Variants in SMC6 observed in about 807,000 individuals in gnomAD.
SMC6 encodes the protein structural maintenance of chromosomes protein 6.
Under a neutral mutation model 142.2 loss-of-function variants are expected in SMC6, and 79 were observed. The observed-to-expected ratio is 0.56, with a 90% CI of 0.46 to 0.67. SMC6 has a LOEUF of 0.67. SMC6 is among the 30% of genes least tolerant of loss of function. The probability of loss-of-function intolerance (pLI) is 0.00; values close to 1 mark genes in which losing one functional copy is unlikely to be tolerated. For synonymous variants in SMC6, 411 were observed against 412.4 expected, an observed-to-expected ratio of 1.00 and a Z score of 0.04; for missense variants, 1,072 against 1,284.0, an observed-to-expected ratio of 0.83 and a Z score of 2.52.
chr2:17,668,182 T>C (rs1162400229), intron 26 of SMC6, among the ~76,000 whole-genome samples: 2 of 152,244 alleles, frequency 1.3e-5, no homozygotes, highest in African/African-American at 4.8e-5. Context: ...GAATTAAATC[T>C]GACATACAAG....
At chr2:17,748,584 T>A (rs1218411166) in intron 2 of SMC6, among the ~76,000 whole-genome samples, 2 of 152,232 alleles carry the variant, frequency 1.3e-5, no homozygotes, top group African/African-American at 4.8e-5. Context: ...TTAATAAGAA[T>A]CAACATAGAT....
At chr2:17,667,198 G>A (rs1666539742) in intron 26 of SMC6, among the ~76,000 whole-genome samples, 1 of 152,154 alleles carries the variant, frequency 6.6e-6, no homozygotes, top group Admixed American at 6.5e-5. Flanking sequence ...GGTAACAAAA[G>A]TGGCTAGTCT....
chr2:17,727,187 G>A (rs774183675), intron 7 of SMC6, among the ~76,000 whole-genome samples: 7 of 152,156 alleles, frequency 4.6e-5, no homozygotes, highest in East Asian at 3.8e-4. Flanking sequence ...GTGTGTTCCC[G>A]AGGGTATTGC....
chr2:17,738,288 G>C lies in SMC6; in HGVS notation c.277C>G (p.Leu93Val). Residue 93 changes from leucine to valine, a missense_variant, in exon 5 of 28, where the codon CTT becomes GTT. Around this residue, in one of 3 missense-constraint regions of SMC6, gnomAD observed 994 missense variants for 1,153.2 expected, o/e 0.86. Coordinates refer to ENST00000448223, the MANE Select transcript of SMC6 (RefSeq NM_001142286.2). The stretch of plus-strand genomic sequence containing the variant: ...TTAGTAGCAACTGCTCTTCCACCAA[G>C]ACCGACTATGAGAGCTGTGAGTACT... Reference protein sequence around the residue: ...SAVLTALIVGLGGRAVATNRG... With the variant: ...SAVLTALIVGVGGRAVATNRG... 6.2e-7 allele frequency: 1 copy of C among 1,613,562 alleles called. No individual in the cohort carries two copies. The highest frequency in any genetic ancestry group is 8.5e-7 in the Non-Finnish European group (1 of 1,179,902).
At chr2:17,679,080 T>C (rs990858175) in intron 24 of SMC6, 116 bp from the exon 25 acceptor site, 50 of 636,084 alleles carry the variant, frequency 7.9e-5, no homozygotes, top group African/African-American at 7.8e-4. Flanking sequence ...AATGTAAACA[T>C]TGGTTACTCA....
At chr2:17,698,943 T>C (rs1424205098) in intron 21 of SMC6, among the ~76,000 whole-genome samples, 3 of 152,120 alleles carry the variant, frequency 2.0e-5, no homozygotes, top group Non-Finnish European at 2.9e-5. Context: ...GATAGAAATC[T>C]TACCTCCCTT....
Position 17,741,509 on chromosome 2 carries a change from A to C in SMC6, c.238+103T>G, listed in dbSNP as rs112323574. 7.4e-5 allele frequency: 50 copies of C among 672,196 alleles called. 1 individual carries two copies. Among genetic ancestry groups the C allele is most frequent in the African/African-American group, 6.4e-4 (35 of 55,086 alleles). 41.6% of individuals were successfully genotyped at this position (672,196 alleles called of 1,614,324 possible). On this transcript the variant is annotated intron_variant, in intron 4 of 27. Transcript: ENST00000448223. The stretch of plus-strand genomic sequence containing the variant: ...ATAACCACAAGTTATACATCTATAG[A>C]AAAAATACTTATTAGCACTAATAGT...
At position 17,724,286 on chromosome 2, in the gene SMC6, G is replaced by A. The variant is rs375642188; in HGVS notation, c.726+971C>T. Among the ~76,000 whole-genome samples the A allele has an allele frequency of 2.3e-4, 35 of 152,160 alleles. No individual in the cohort carries two copies. The East Asian group carries it at 6.8e-3, about 29-fold the overall frequency. The stretch of plus-strand genomic sequence containing the variant: ...ACCCAGGTTTGAAAGGATAATGTGG[G>A]AAATAAAAATAAATATACTCATCCT... On this transcript the variant is annotated intron_variant, in intron 9 of 27. Coordinates refer to ENST00000448223, the MANE Select transcript of SMC6 (RefSeq NM_001142286.2).
chr2:17,703,227 G>T lies in SMC6; in HGVS notation c.2072C>A (p.Ala691Asp). Residue 691 changes from alanine to aspartate, a missense_variant, in exon 19 of 28, where the codon GCC becomes GAC. By Grantham distance (126) the Ala-to-Asp change is moderately radical. Transcript: ENST00000448223. ...QILNLQQHLSALEKDIKHNEE... is the reference protein window; with the variant it reads ...QILNLQQHLSDLEKDIKHNEE... ...ATTGTGTTTAATATCTTTTTCAAGG[G>T]CAGATAAATGTTGCTGAAGATTTAA... The T allele has an allele frequency of 6.2e-7, 1 of 1,600,026 alleles. No individual in the cohort carries two copies. The highest frequency in any genetic ancestry group is 8.5e-7 in the Non-Finnish European group (1 of 1,170,054).
chr2:17,724,106 TTAATTA>T (rs1462301656), intron 9 of SMC6, among the ~76,000 whole-genome samples: 9 of 152,116 alleles, frequency 5.9e-5, no homozygotes, highest in Admixed American at 1.3e-4. Flanking sequence ...CAAGTCCTGA[TTAATTA>T]TATTAAAAAT....
chr2:17,753,595 G>A (rs1558389575), intron 1 of SMC6, 31 bp downstream of exon 1: 1 of 152,322 alleles, frequency 6.6e-6, no homozygotes, highest in Non-Finnish European at 1.5e-5. Flanking sequence ...CCCGGAGCAA[G>A]GGAAAGCGAC....
At chr2:17,701,643 A>G (rs1424259271) in intron 20 of SMC6, among the ~76,000 whole-genome samples, 186 bp downstream of exon 20, 1 of 152,144 alleles carries the variant, frequency 6.6e-6, no homozygotes, top group Non-Finnish European at 1.5e-5. Flanking sequence ...TTATATATAC[A>G]CAAAACATTA....
chr2:17,664,396 C>T lies in SMC6; in HGVS notation c.*1103G>A, dbSNP rs1359905987. Reference sequence around the variant, plus strand: ...TTTCCTCAATAACTAGAGAACAGTCCCTGCTCTTAATATACTGCCCTTTTT... The same window carrying T: ...TTTCCTCAATAACTAGAGAACAGTCTCTGCTCTTAATATACTGCCCTTTTT... On this transcript the variant is annotated 3_prime_UTR_variant, in exon 28 of 28. Coordinates refer to ENST00000448223, the MANE Select transcript of SMC6 (RefSeq NM_001142286.2). The T allele has an allele frequency of 6.6e-6, 1 of 152,116 alleles. No homozygotes were observed. Among genetic ancestry groups the T allele is most frequent in the African/African-American group, 2.4e-5 (1 of 41,414 alleles). 9.4% of individuals were successfully genotyped at this position (152,116 alleles called of 1,614,324 possible). A position where few individuals can be genotyped will look rare whatever the true frequency, so the allele number is the denominator to read the frequency against.
At position 17,745,814 on chromosome 2, in the gene SMC6, A is replaced by G. The variant is rs1310787116; in HGVS notation, c.120+13T>C. 2 of 1,590,984 alleles carry G rather than the reference A, an allele frequency of 1.3e-6. No individual in the cohort carries two copies. Among genetic ancestry groups the G allele is most frequent in the Admixed American group, 3.6e-5 (2 of 54,886 alleles). ...ACATATCAAAAAGCATAATTTTGTA[A>G]TTTTTCGCTTACCAAAGTAGTACCT... is the stretch of plus-strand genomic sequence containing the variant. On this transcript the variant is annotated intron_variant, in intron 3 of 27. Transcript: ENST00000448223.
At chr2:17,671,733 T>A (rs1341013794) in intron 25 of SMC6, among the ~76,000 whole-genome samples, 11 of 151,572 alleles carry the variant, frequency 7.3e-5, no homozygotes, top group African/African-American at 2.7e-4. Flanking sequence ...CTTTAAAAAA[T>A]TATTTACTAA....
intron 15 of SMC6, 130 bp downstream of exon 15, chr2:17,715,956 G>A (rs1201288994): frequency 6.5e-6 from 5 of 774,566 alleles, no homozygotes. Flanking sequence ...TAAAACGAAA[G>A]CTACAAAGCT....
intron 8 of SMC6, among the ~76,000 whole-genome samples, chr2:17,725,647 C>A (rs1329528250): frequency 3.3e-5 from 5 of 152,256 alleles, no homozygotes; most frequent in Admixed American, 3.3e-4. Context: ...TAATTCCATT[C>A]TTTAAGCAAA....
chr2:17,739,044 T>G (rs1293710009), intron 4 of SMC6, among the ~76,000 whole-genome samples: 1 of 152,200 alleles, frequency 6.6e-6, no homozygotes. Context: ...TAGCACATAA[T>G]AAGTACTTGC....
chr2:17,720,023 C>T (rs1669291700), intron 11 of SMC6, among the ~76,000 whole-genome samples: 1 of 152,084 alleles, frequency 6.6e-6, no homozygotes. Context: ...ACATTGAGTA[C>T]ATTTGCGGGG....
Sources: gnomAD v4.1 joint callset for allele counts (sites outside exome capture counted in the v4.1 genomes callset) on GRCh38, gnomAD v4.1.1 for gene constraint, gnomAD v4.1.1 regional missense constraint, MANE v1.5 for transcripts, NCBI Gene and HGNC (gene_info 2026-07-23, HGNC 2026-07-21) for gene names.